Variants in PLPP1 observed in about 807,000 individuals in gnomAD.
The protein encoded by PLPP1 is phospholipid phosphatase 1.
Under a neutral mutation model 31.2 loss-of-function variants are expected in PLPP1, and 24 were observed. The observed-to-expected ratio is 0.77, with a 90% CI of 0.56 to 1.08. The LOEUF (loss-of-function observed/expected upper bound fraction) is 1.08, where lower values mean the gene tolerates loss of function less well. Ranked by LOEUF, PLPP1 falls within the 50% of genes least tolerant of loss-of-function variation. The probability of loss-of-function intolerance (pLI) is 0.00; values close to 1 mark genes in which losing one functional copy is unlikely to be tolerated. For synonymous variants in PLPP1, 146 were observed against 126.3 expected (o/e 1.16, Z -1.05); for missense variants, 319 against 342.7 (o/e 0.93, Z 0.55).
intron 4 of PLPP1, among the ~76,000 whole-genome samples, chr5:55,438,294 G>A (rs1751540703): frequency 6.6e-6 from 1 of 152,206 alleles, no homozygotes; most frequent in Non-Finnish European, 1.5e-5. Flanking sequence ...AAGCAGCCCT[G>A]CCCTGAGCTC....
At chr5:55,471,093 A>G (rs139395110) in intron 2 of PLPP1, among the ~76,000 whole-genome samples, 1 of 152,312 alleles carries the variant, frequency 6.6e-6, no homozygotes, top group East Asian at 1.9e-4. Flanking sequence ...TCTAAAATCA[A>G]TGACACATCT....
At chr5:55,451,568 T>C (rs983093515) in intron 3 of PLPP1, among the ~76,000 whole-genome samples, 2 of 151,912 alleles carry the variant, frequency 1.3e-5, no homozygotes, top group East Asian at 1.9e-4. Flanking sequence ...TTTTTTTTTT[T>C]TTTCTTTTTT....
chr5:55,506,702 C>A (rs1753287279), intron 1 of PLPP1, among the ~76,000 whole-genome samples: 1 of 152,100 alleles, frequency 6.6e-6, no homozygotes, highest in Non-Finnish European at 1.5e-5. Flanking sequence ...CCCCAAAATT[C>A]CGGCATATGT....
chr5:55,523,139 T>G (rs527779405), intron 1 of PLPP1, among the ~76,000 whole-genome samples: 1 of 152,170 alleles, frequency 6.6e-6, no homozygotes, highest in South Asian at 2.1e-4. Flanking sequence ...ATGGGGCACA[T>G]GGGATATCTT....
Position 55,424,904 on chromosome 5 carries a change from T to G in PLPP1, c.*302A>C. 2 of 679,128 alleles carry G rather than the reference T, an allele frequency of 2.9e-6. No individual in the cohort carries two copies. The highest frequency in any genetic ancestry group is 2.5e-6 in the Non-Finnish European group (1 of 400,592). 42.1% of individuals were successfully genotyped at this position (679,128 alleles called of 1,614,324 possible). Reference sequence around the variant, plus strand: ...TGTATTATATTTAAATCAAACATCATTCATAGAAAGCATATTACATACATG... The same window carrying G: ...TGTATTATATTTAAATCAAACATCAGTCATAGAAAGCATATTACATACATG... On this transcript the variant is annotated 3_prime_UTR_variant, in exon 6 of 6. Coordinates refer to ENST00000307259, the MANE Select transcript of PLPP1 (RefSeq NM_003711.4).
intron 1 of PLPP1, chr5:55,530,629 A>G (rs1203614782): frequency 1.6e-5 from 26 of 1,579,954 alleles, no homozygotes; most frequent in Non-Finnish European, 2.3e-5. Flanking sequence ...TGTTTTGCAC[A>G]GCATCTGCAG....
intron 1 of PLPP1, among the ~76,000 whole-genome samples, chr5:55,509,322 A>G (rs1475373038): frequency 1.3e-5 from 2 of 152,198 alleles, no homozygotes; most frequent in East Asian, 3.8e-4. Flanking sequence ...TGTACAGTAT[A>G]TTTGAGTGTG....
intron 3 of PLPP1, among the ~76,000 whole-genome samples, chr5:55,458,915 A>AAAAAAAAAAAAAAAAAAAC (rs1561231077): frequency 6.7e-6 from 1 of 149,064 alleles, no homozygotes; most frequent in African/African-American, 2.5e-5. Context: ...AAAAAAAAAA[A>AAAAAAAAAAAAAAAAAAAC]ACACATAGCA....
chr5:55,496,365 C>G (rs1753003722), intron 1 of PLPP1, among the ~76,000 whole-genome samples: 1 of 152,134 alleles, frequency 6.6e-6, no homozygotes, highest in Non-Finnish European at 1.5e-5. Context: ...AGAGGAGTCA[C>G]TTTTAAAACT....
intron 1 of PLPP1, among the ~76,000 whole-genome samples, chr5:55,504,179 G>C (rs987497376): frequency 1.4e-4 from 21 of 151,662 alleles, no homozygotes; most frequent in Non-Finnish European, 2.8e-4. Context: ...GACCAGGCTG[G>C]CCAAGATGGT....
intron 2 of PLPP1, among the ~76,000 whole-genome samples, chr5:55,472,880 T>C (rs1752452948): frequency 6.6e-6 from 1 of 152,224 alleles, no homozygotes; most frequent in Non-Finnish European, 1.5e-5. Flanking sequence ...GTGTAGGCCG[T>C]GCACATCAAC....
chr5:55,465,061 T>C (rs1752257952), intron 3 of PLPP1, among the ~76,000 whole-genome samples: 1 of 130,444 alleles, frequency 7.7e-6, no homozygotes, highest in East Asian at 2.2e-4. Context: ...TTTTTTTTTT[T>C]GAGACAGAGT....
At chr5:55,469,478 C>T (rs571331896) in intron 2 of PLPP1, among the ~76,000 whole-genome samples, 54 of 148,498 alleles carry the variant, frequency 3.6e-4, no homozygotes, top group African/African-American at 1.2e-3. Flanking sequence ...TGCGACACAG[C>T]GAGACCCCAT....
At chr5:55,530,534 GTT>G in intron 1 of PLPP1, 1 of 1,219,686 alleles carries the variant, frequency 8.2e-7, no homozygotes, top group South Asian at 1.2e-5. Context: ...AGATCTGAAA[GTT>G]TGGAATGATA....
At chr5:55,505,909 T>C (rs937719347) in intron 1 of PLPP1, among the ~76,000 whole-genome samples, 3 of 152,184 alleles carry the variant, frequency 2.0e-5, no homozygotes, top group African/African-American at 7.2e-5. Context: ...TCACAAAAAT[T>C]AGCCAGGCAT....
At chr5:55,452,459 T>C (rs1232213525) in intron 3 of PLPP1, among the ~76,000 whole-genome samples, 1 of 152,182 alleles carries the variant, frequency 6.6e-6, no homozygotes, top group African/African-American at 2.4e-5. Flanking sequence ...ACACAGCCTA[T>C]AGAACCATAA....
intron 1 of PLPP1, among the ~76,000 whole-genome samples, chr5:55,521,895 T>C (rs1208510535): frequency 6.6e-6 from 1 of 151,832 alleles, no homozygotes; most frequent in East Asian, 1.9e-4. Flanking sequence ...ATTCAATAGA[T>C]AATAGCTTTC....
rs533598065 is a variant in PLPP1 at position 55,454,299 on chromosome 5, G to A, written c.492-12391C>T. Among the ~76,000 whole-genome samples, 7 of 151,906 alleles carry A rather than the reference G, an allele frequency of 4.6e-5. No homozygotes were observed. In the East Asian group the frequency reaches 7.7e-4, roughly 17 times the overall value. On this transcript the variant is annotated intron_variant, in intron 3 of 5. Transcript: ENST00000307259. ...TATCTCCCAAGTTTATTATATAAAC[G>A]AACAGTACTGTTATTAGATAATATT... is the stretch of plus-strand genomic sequence containing the variant.
intron 1 of PLPP1, among the ~76,000 whole-genome samples, chr5:55,494,967 C>CCAA (rs1752973697): frequency 7.4e-6 from 1 of 135,650 alleles, no homozygotes; most frequent in Non-Finnish European, 1.5e-5. Flanking sequence ...AAAAAAAATA[C>CCAA]AAAAAAAAAA....
Sources: allele counts gnomAD v4.1 joint callset (sites outside exome capture counted in the v4.1 genomes callset), GRCh38; gene constraint gnomAD v4.1.1; transcripts MANE v1.5; gene names NCBI Gene and HGNC (gene_info 2026-07-23, HGNC 2026-07-21).